The following EPHA7 variants were observed in gnomAD, a reference collection of about 807,000 sequenced individuals.
The protein encoded by EPHA7 is EPH receptor A7.
Under a neutral mutation model 112.6 loss-of-function variants are expected in EPHA7, and 25 were observed. The observed-to-expected ratio is 0.22, with a 90% CI of 0.16 to 0.31. The LOEUF (loss-of-function observed/expected upper bound fraction) is 0.31, where lower values mean the gene tolerates loss of function less well. EPHA7 is among the 10% of genes least tolerant of loss of function. The pLI is 1.00. For synonymous variants in EPHA7, 437 were observed against 406.5 expected, an observed-to-expected ratio of 1.07 and a Z score of -0.90; for missense variants, 962 against 1,212.6, an observed-to-expected ratio of 0.79 and a Z score of 3.07.
At chr6:93,277,445 AG>A (rs1387883939) in intron 5 of EPHA7, among the ~76,000 whole-genome samples, 1 of 151,954 alleles carries the variant, frequency 6.6e-6, no homozygotes, top group African/African-American at 2.4e-5. Flanking sequence ...TTGGAAAAAC[AG>A]GGTGGCTAAT....
intron 5 of EPHA7, among the ~76,000 whole-genome samples, chr6:93,311,597 C>T (rs1773544206): frequency 6.6e-6 from 1 of 152,058 alleles, no homozygotes; most frequent in South Asian, 2.1e-4. Context: ...GTCTTGAACC[C>T]CTCACCATCA....
intron 5 of EPHA7, among the ~76,000 whole-genome samples, chr6:93,307,369 A>G (rs1258856551): frequency 2.6e-5 from 4 of 152,110 alleles, no homozygotes; most frequent in Non-Finnish European, 5.9e-5. Flanking sequence ...AGTTGTTCTG[A>G]CACTGATAAC....
At chr6:93,407,163 T>G (rs913204651) in intron 3 of EPHA7, among the ~76,000 whole-genome samples, 2 of 151,998 alleles carry the variant, frequency 1.3e-5, no homozygotes, top group Non-Finnish European at 2.9e-5. Context: ...CAATCAGTTT[T>G]TTATAGTTAT....
At chr6:93,255,566 G>A (rs1002278359) in intron 13 of EPHA7, among the ~76,000 whole-genome samples, 1 of 152,034 alleles carries the variant, frequency 6.6e-6, no homozygotes, top group African/African-American at 2.4e-5. Context: ...GTAGCTAGAT[G>A]TTTTTGTACG....
At chr6:93,336,435 T>C (rs975428528) in intron 5 of EPHA7, among the ~76,000 whole-genome samples, 2 of 152,124 alleles carry the variant, frequency 1.3e-5, no homozygotes, top group Non-Finnish European at 2.9e-5. Context: ...TGAAGTCTCA[T>C]TATGTTGCCC....
intron 5 of EPHA7, among the ~76,000 whole-genome samples, chr6:93,283,424 C>G (rs147498279): frequency 1.1e-4 from 16 of 152,204 alleles, no homozygotes; most frequent in African/African-American, 3.6e-4. Context: ...TCCCCTTCCA[C>G]ACTGTGGAAG....
chr6:93,407,757 T>C (rs1582686261), intron 3 of EPHA7, among the ~76,000 whole-genome samples: 1 of 152,032 alleles, frequency 6.6e-6, no homozygotes, highest in East Asian at 1.9e-4. Flanking sequence ...TACCTTGGTA[T>C]AGTTTGCAGG....
chr6:93,411,621 A>C (rs1010894182), intron 2 of EPHA7, among the ~76,000 whole-genome samples: 3 of 152,152 alleles, frequency 2.0e-5, no homozygotes, highest in East Asian at 1.9e-4. Flanking sequence ...AAACATGAAG[A>C]AGAAAATGCC....
At chr6:93,269,372 A>C in intron 7 of EPHA7, 105 bp downstream of exon 7, 6 of 793,396 alleles carry the variant, frequency 7.6e-6, no homozygotes, top group Non-Finnish European at 9.4e-6. Context: ...TTTATTTGTA[A>C]ATGTAAAAAT....
In EPHA7 at chr6:93,318,921, T is replaced by C. The variant is rs576987135; in HGVS notation, c.1324+37796A>G. Among the ~76,000 whole-genome samples the C allele has an allele frequency of 2.0e-4, 31 of 152,216 alleles. No individual in the cohort carries two copies. The East Asian group carries it at 5.4e-3, about 27-fold the overall frequency. On this transcript the variant is annotated intron_variant, in intron 5 of 16. Transcript: ENST00000369303. ...TTCTGGCATTTCAACCTCTGAACCA[T>C]TGTTGTCACTTAAATTTAGATTTCA...
At chr6:93,417,185 G>A (rs947386542) in intron 1 of EPHA7, among the ~76,000 whole-genome samples, 11 of 152,136 alleles carry the variant, frequency 7.2e-5, no homozygotes, top group African/African-American at 2.4e-4. Flanking sequence ...CCGAGAGAAC[G>A]TGCACAAGGA....
chr6:93,295,507 CTAAT>C (rs754162066), intron 5 of EPHA7, among the ~76,000 whole-genome samples: 10 of 151,156 alleles, frequency 6.6e-5, no homozygotes, highest in Non-Finnish European at 8.9e-5. Context: ...ATTTCTTTAT[CTAAT>C]TATACTTAAA....
intron 3 of EPHA7, among the ~76,000 whole-genome samples, chr6:93,383,880 G>T (rs901647902): frequency 6.6e-6 from 1 of 152,034 alleles, no homozygotes; most frequent in African/African-American, 2.4e-5. Context: ...TACAGACAAG[G>T]TCTTGCTTTG....
intron 5 of EPHA7, among the ~76,000 whole-genome samples, chr6:93,334,380 A>G (rs1483390913): frequency 1.3e-5 from 2 of 152,012 alleles, no homozygotes; most frequent in Non-Finnish European, 2.9e-5. Flanking sequence ...AACTGCAACA[A>G]AAAAATTGAC....
At chr6:93,357,198 A>G (rs1775992279) in intron 4 of EPHA7, 146 bp from the exon 5 acceptor site, 2 of 642,650 alleles carry the variant, frequency 3.1e-6, no homozygotes, top group Non-Finnish European at 5.3e-6. Flanking sequence ...TCTTTCACAT[A>G]AACATTTCAT....
chr6:93,249,496 A>C (rs1232242919), intron 14 of EPHA7, among the ~76,000 whole-genome samples: 1 of 152,174 alleles, frequency 6.6e-6, no homozygotes, highest in Non-Finnish European at 1.5e-5. Context: ...TATATTCAAA[A>C]TGACCACACA....
rs1376134154 is a variant in EPHA7, at chr6:93,269,396, A to C, written c.1633+81T>G. Reference sequence around the variant, plus strand: ...AAATGTAAAAATTATGATGGTGCAAATGATCACCTCAATATTGAAAAAAAT... The same window carrying C: ...AAATGTAAAAATTATGATGGTGCAACTGATCACCTCAATATTGAAAAAAAT... On this transcript the variant is annotated intron_variant, in intron 7 of 16. Transcript: ENST00000369303. 9 of 1,126,398 alleles carry C rather than the reference A, an allele frequency of 8.0e-6. No individual in the cohort carries two copies. In the East Asian group the frequency reaches 8.1e-5, roughly 10 times the overall value. 69.8% of individuals were successfully genotyped at this position (1,126,398 alleles called of 1,614,324 possible). A position where few individuals can be genotyped will look rare whatever the true frequency, so the allele number is the denominator to read the frequency against.
chr6:93,341,546 AAC>A (rs1775138182), intron 5 of EPHA7, among the ~76,000 whole-genome samples: 1 of 151,994 alleles, frequency 6.6e-6, no homozygotes, highest in East Asian at 1.9e-4. Context: ...AGTTATAGAA[AAC>A]AGAGTATATA....
intron 5 of EPHA7, among the ~76,000 whole-genome samples, chr6:93,324,988 C>T (rs1582523197): frequency 6.6e-6 from 1 of 151,284 alleles, no homozygotes; most frequent in East Asian, 1.9e-4. Context: ...TGAAAAAAGG[C>T]ATTTTTTTTC....
Sources: gnomAD v4.1 joint callset for allele counts (sites outside exome capture counted in the v4.1 genomes callset) on GRCh38, gnomAD v4.1.1 for gene constraint, MANE v1.5 for transcripts, NCBI Gene and HGNC (gene_info 2026-07-23, HGNC 2026-07-21) for gene names.